Variants in SPACA9 observed in about 807,000 individuals in gnomAD.
The protein encoded by SPACA9 is sperm acrosome-associated protein 9.
A neutral mutation model predicts 12.5 loss-of-function variants in SPACA9; 14 were observed. The observed-to-expected ratio is 1.12, with a 90% CI of 0.74 to 1.75. The LOEUF (loss-of-function observed/expected upper bound fraction) is 1.75, where lower values mean the gene tolerates loss of function less well. Among genes scored for constraint, SPACA9 ranks in the 40% most tolerant of loss-of-function variants. SPACA9 has a pLI of 0.00. For missense variants in SPACA9, 292 were observed against 291.9 expected (o/e 1.00, Z 0.00); for synonymous variants, 111 against 114.1 (o/e 0.97, Z 0.17).
chr9:132,889,391 T>C lies in SPACA9; in HGVS notation c.*780T>C, dbSNP rs917564980. ...CTCCAGGATGGAGTGGGGGTCGGCA[T>C]GTGGAACTCAGCGTGTTTATTTTTT... On this transcript the variant is annotated 3_prime_UTR_variant, in exon 4 of 4. Coordinates refer to ENST00000356311, the MANE Select transcript of SPACA9 (RefSeq NM_001316897.2). 29 of 985,472 alleles carry C rather than the reference T, an allele frequency of 2.9e-5. No individual in the cohort carries two copies. In the Admixed American group the frequency reaches 1.5e-3, roughly 52 times the overall value. The allele number at this position is 985,472 out of a possible 1,614,324, so 61.0% of individuals were successfully genotyped here. A position where few individuals can be genotyped will look rare whatever the true frequency, so the allele number is the denominator to read the frequency against.
Position 132,888,652 on chromosome 9 carries a change from T to C in SPACA9, c.*41T>C. On this transcript the variant is annotated 3_prime_UTR_variant, in exon 4 of 4. Transcript: ENST00000356311. This position sits in a 1 kb window ranked among gnomAD's most constrained non-coding sequence, Gnocchi z 5.0. The stretch of plus-strand genomic sequence containing the variant: ...TCCGTCGGCGGAGAGCTTTGCTGTT[T>C]AATTTGGATTTTACTGGTTGGTCCT... 1 of 1,482,688 alleles carries C rather than the reference T, an allele frequency of 6.7e-7. No individual in the cohort carries two copies. The highest frequency in any genetic ancestry group is 9.0e-7 in the Non-Finnish European group (1 of 1,115,892). 91.8% of individuals were successfully genotyped at this position (1,482,688 alleles called of 1,614,324 possible).
Position 132,888,708 on chromosome 9 carries a change from T to G in SPACA9, c.*97T>G. On this transcript the variant is annotated 3_prime_UTR_variant, in exon 4 of 4. Coordinates refer to ENST00000356311, the MANE Select transcript of SPACA9 (RefSeq NM_001316897.2). This position sits in a 1 kb window ranked among gnomAD's most constrained non-coding sequence, Gnocchi z 5.0. ...CACTGGTACCCATGGACCCTGCCAC[T>G]TACTAACCCCAAGGGAATCAGCCAA... 1 of 1,450,748 alleles carries G rather than the reference T, an allele frequency of 6.9e-7. No homozygotes were observed. The highest frequency in any genetic ancestry group is 2.8e-5 in the Admixed American group (1 of 35,454). 89.9% of individuals were successfully genotyped at this position (1,450,748 alleles called of 1,614,324 possible).
In SPACA9 at chr9:132,884,339, A is replaced by G. The variant is rs548383758; in HGVS notation, c.144+248A>G. Among the ~76,000 whole-genome samples, 5 of 152,304 alleles carry G rather than the reference A, an allele frequency of 3.3e-5. No individual in the cohort carries two copies. The South Asian group carries it at 1.0e-3, about 32-fold the overall frequency. Reference sequence around the variant, plus strand: ...CCAGGGCTTAAGTCCTAGCTCTACCATGTGCCACTGCTGTGATCTCAGGCC... The same window carrying G: ...CCAGGGCTTAAGTCCTAGCTCTACCGTGTGCCACTGCTGTGATCTCAGGCC... On this transcript the variant is annotated intron_variant, in intron 2 of 3. Transcript: ENST00000356311.
In SPACA9 at chr9:132,888,755, C is replaced by A; in HGVS notation, c.*144C>A. On this transcript the variant is annotated 3_prime_UTR_variant, in exon 4 of 4. Coordinates refer to ENST00000356311, the MANE Select transcript of SPACA9 (RefSeq NM_001316897.2). This position sits in a 1 kb window ranked among gnomAD's most constrained non-coding sequence, Gnocchi z 5.0. ...CCAATATATTACTGAGACTTCCTCT[C>A]TCTCTTCTTGCTTTAACTTCTTTTT... 1 of 1,418,328 alleles carries A rather than the reference C, an allele frequency of 7.1e-7. No individual in the cohort carries two copies. The highest frequency in any genetic ancestry group is 9.2e-7 in the Non-Finnish European group (1 of 1,088,738). 87.9% of individuals were successfully genotyped at this position (1,418,328 alleles called of 1,614,324 possible).
Position 132,889,335 on chromosome 9 carries a change from C to A in SPACA9, c.*724C>A. 1.0e-6 allele frequency: 1 copy of A among 985,568 alleles called. No individual in the cohort carries two copies. Among genetic ancestry groups the A allele is most frequent in the Non-Finnish European group, 1.2e-6 (1 of 830,026 alleles). 61.1% of individuals were successfully genotyped at this position (985,568 alleles called of 1,614,324 possible). ...CCACCAGCCCCAACTGTAGGCAAGGCACACGCTGTTTGCGAGCCAGGGATG... is the reference window on the plus strand; with the variant it reads ...CCACCAGCCCCAACTGTAGGCAAGGAACACGCTGTTTGCGAGCCAGGGATG... On this transcript the variant is annotated 3_prime_UTR_variant, in exon 4 of 4. Coordinates refer to ENST00000356311, the MANE Select transcript of SPACA9 (RefSeq NM_001316897.2).
At chr9:132,881,981 C>CATGTGGCAGGGACCAGCCAAGG (rs1844440222) in intron 1 of SPACA9, among the ~76,000 whole-genome samples, 1 of 152,206 alleles carries the variant, frequency 6.6e-6, no homozygotes, top group Non-Finnish European at 1.5e-5. Context: ...ATGTCTGCTC[C>CATGTGGCAGGGACCAGCCAAGG]ATGTGGCAGG....
At position 132,889,240 on chromosome 9, in the gene SPACA9, G is replaced by T. The variant is rs191776323; in HGVS notation, c.*629G>T. ...GAGCCACATCCGGCTCCAGTGCCAC[G>T]CCTGTCCCTGCTGCGGGCTGCAGTT... On this transcript the variant is annotated 3_prime_UTR_variant, in exon 4 of 4. Transcript: ENST00000356311. 1.0e-6 allele frequency: 1 copy of T among 986,088 alleles called. No homozygotes were observed. The highest frequency in any genetic ancestry group is 1.7e-5 in the African/African-American group (1 of 57,330). 61.1% of individuals were successfully genotyped at this position (986,088 alleles called of 1,614,324 possible).
At chr9:132,886,820 T>A (rs1451724135) in intron 2 of SPACA9, among the ~76,000 whole-genome samples, 1 of 152,124 alleles carries the variant, frequency 6.6e-6, no homozygotes, top group Non-Finnish European at 1.5e-5. Context: ...TTAATTAATT[T>A]TTTGTTTTTG....
At position 132,888,216 on chromosome 9, in the gene SPACA9, G is replaced by T; in HGVS notation, c.348-74G>T. 5.2e-6 allele frequency: 8 copies of T among 1,547,300 alleles called. No individual in the cohort carries two copies. The highest frequency in any genetic ancestry group is 6.1e-6 in the Non-Finnish European group (7 of 1,146,098). On this transcript the variant is annotated intron_variant, in intron 3 of 3. Transcript: ENST00000356311. This position sits in a 1 kb window ranked among gnomAD's most constrained non-coding sequence, Gnocchi z 5.0. ...CCCCAGGTGACTCTGCTGTGCCTGA[G>T]GTGTGGCAGCTGCTTGCCACGGCAT...
chr9:132,890,043 T>C (rs1844711457), downstream of SPACA9: 3 of 1,388,530 alleles, frequency 2.2e-6, no homozygotes, highest in Admixed American at 5.2e-5. Flanking sequence ...TCTGCCTGAC[T>C]TGGTTTCCTG....
rs1774430017 is a variant in SPACA9 at position 132,888,940 on chromosome 9, T to C, written c.*329T>C. The C allele has an allele frequency of 1.1e-5, 7 of 625,282 alleles. No individual in the cohort carries two copies. Among genetic ancestry groups the C allele is most frequent in the Non-Finnish European group, 1.5e-5 (7 of 468,688 alleles). The allele number at this position is 625,282 out of a possible 1,614,324, so 38.7% of individuals were successfully genotyped here. A position where few individuals can be genotyped will look rare whatever the true frequency, so the allele number is the denominator to read the frequency against. Reference sequence around the variant, plus strand: ...CCACCACCTCGCCTGGCTAATTTTTTGTATTTTTAGTAGAGACAGCGTTTC... The same window carrying C: ...CCACCACCTCGCCTGGCTAATTTTTCGTATTTTTAGTAGAGACAGCGTTTC... On this transcript the variant is annotated 3_prime_UTR_variant, in exon 4 of 4. Coordinates refer to ENST00000356311, the MANE Select transcript of SPACA9 (RefSeq NM_001316897.2). The surrounding 1 kb of genome is among the most constrained non-coding windows in gnomAD (Gnocchi z 5.0).
intron 2 of SPACA9, among the ~76,000 whole-genome samples, chr9:132,885,095 A>ACC (rs1456378891): frequency 6.6e-6 from 1 of 152,196 alleles, no homozygotes. Context: ...CCTGGGCGAC[A>ACC]GAGTGAGACT....
intron 1 of SPACA9, among the ~76,000 whole-genome samples, chr9:132,881,187 A>T (rs1007679397): frequency 4.1e-5 from 6 of 145,468 alleles, no homozygotes; most frequent in Non-Finnish European, 1.5e-5. Flanking sequence ...GCACATTGGG[A>T]GGCTGAGGTG....
At chr9:132,883,514 G>T (rs1268523734) in intron 1 of SPACA9, among the ~76,000 whole-genome samples, 1 of 152,124 alleles carries the variant, frequency 6.6e-6, no homozygotes, top group Non-Finnish European at 1.5e-5. Context: ...GTGTGTACAC[G>T]CGTGCGTGTG....
upstream of SPACA9, chr9:132,878,787 TC>T (rs1844279989): frequency 3.0e-6 from 3 of 985,088 alleles, no homozygotes; most frequent in African/African-American, 3.5e-5. This position sits in a 1 kb window ranked among gnomAD's most constrained non-coding sequence, Gnocchi z 4.7. Flanking sequence ...GGTAGACCCC[TC>T]CCAGCTCCCC....
Position 132,889,140 on chromosome 9 carries a change from T to C in SPACA9, c.*529T>C. The C allele has an allele frequency of 2.0e-6, 2 of 989,790 alleles. No individual in the cohort carries two copies. Among genetic ancestry groups the C allele is most frequent in the Non-Finnish European group, 2.4e-6 (2 of 832,490 alleles). 61.3% of individuals were successfully genotyped at this position (989,790 alleles called of 1,614,324 possible). On this transcript the variant is annotated 3_prime_UTR_variant, in exon 4 of 4. Transcript: ENST00000356311. ...CGTGCTGATGAAGAGGAAACCCACTTACAGAAGTTGCCCAAACAGGATGGT... is the reference window on the plus strand; with the variant it reads ...CGTGCTGATGAAGAGGAAACCCACTCACAGAAGTTGCCCAAACAGGATGGT...
chr9:132,883,009 C>T (rs1484490608), intron 1 of SPACA9, among the ~76,000 whole-genome samples: 1 of 152,186 alleles, frequency 6.6e-6, no homozygotes, highest in Non-Finnish European at 1.5e-5. Flanking sequence ...GAATAGAAAT[C>T]TGTGGTCTGG....
At position 132,889,406 on chromosome 9, in the gene SPACA9, GTTTA is replaced by G. The variant is rs763504748; in HGVS notation, c.*799_*802del. On this transcript the variant is annotated 3_prime_UTR_variant, in exon 4 of 4. Coordinates refer to ENST00000356311, the MANE Select transcript of SPACA9 (RefSeq NM_001316897.2). Reference sequence around the variant, plus strand: ...GGGGTCGGCATGTGGAACTCAGCGTGTTTATTTTTTTATTTTTTGAGATGGAGTT... The same window carrying G: ...GGGGTCGGCATGTGGAACTCAGCGTGTTTTTTTATTTTTTGAGATGGAGTT... The G allele has an allele frequency of 2.6e-4, 256 of 985,324 alleles. No homozygotes were observed. Among genetic ancestry groups the G allele is most frequent in the Non-Finnish European group, 2.9e-4 (243 of 829,900 alleles). The allele number at this position is 985,324 out of a possible 1,614,324, so 61.0% of individuals were successfully genotyped here.
intron 1 of SPACA9, among the ~76,000 whole-genome samples, chr9:132,883,349 T>G (rs183063662): frequency 6.6e-6 from 1 of 152,240 alleles, no homozygotes; most frequent in East Asian, 1.9e-4. Context: ...TTCTCCCCGC[T>G]TAATCCATGG....
Sources: gnomAD v4.1 joint callset for allele counts (sites outside exome capture counted in the v4.1 genomes callset) on GRCh38, gnomAD v4.1.1 for gene constraint, Gnocchi (gnomAD v3.1) non-coding constraint, MANE v1.5 for transcripts, NCBI Gene and HGNC (gene_info 2026-07-23, HGNC 2026-07-21) for gene names.